LRCH1: variants seen among roughly 807,000 people sequenced by gnomAD.
The protein encoded by LRCH1 is leucine rich repeats and calponin homology domain containing 1, also known as leucine-rich repeat and calponin homology domain-containing protein 1.
In LRCH1, 23 loss-of-function variants were observed where a neutral mutation model predicts 94.9. The ratio of observed to expected loss-of-function variants is 0.24; its 90% CI spans 0.17 to 0.34. The LOEUF is 0.34. Among genes scored for constraint, LRCH1 ranks in the 10% least tolerant of loss-of-function variants. The pLI, the probability that LRCH1 is intolerant of heterozygous loss-of-function variation, is 1.00. For missense variants in LRCH1, 790 were observed against 945.9 expected, an observed-to-expected ratio of 0.84 and a Z score of 2.16; for synonymous variants, 364 against 354.9, an observed-to-expected ratio of 1.03 and a Z score of -0.29.
chr13:46,614,828 A>G (rs1383274137), intron 1 of LRCH1, among the ~76,000 whole-genome samples: 1 of 152,164 alleles, frequency 6.6e-6, no homozygotes, highest in Non-Finnish European at 1.5e-5. Context: ...GTATCAAAAC[A>G]TTTTGTCCCA....
rs1209169548 is a variant in LRCH1, at chr13:46,743,535, G to A, written c.*1687G>A. On this transcript the variant is annotated 3_prime_UTR_variant, in exon 20 of 20. Coordinates refer to ENST00000389797, the MANE Select transcript of LRCH1 (RefSeq NM_001164211.2). ...ATCTGTAACACAATAAAATCCCTTT[G>A]TACGATGTCTAATGAGCACCCTGAG... 1.0e-6 allele frequency: 1 copy of A among 985,616 alleles called. No individual in the cohort carries two copies. Among genetic ancestry groups the A allele is most frequent in the African/African-American group, 1.7e-5 (1 of 57,184 alleles). The allele number at this position is 985,616 out of a possible 1,614,324, so 61.1% of individuals were successfully genotyped here.
intron 19 of LRCH1, among the ~76,000 whole-genome samples, chr13:46,738,072 G>A (rs975283580): frequency 6.6e-6 from 1 of 152,148 alleles, no homozygotes; most frequent in Non-Finnish European, 1.5e-5. Context: ...GAATAGAAAT[G>A]TACTCTGTTG....
intron 1 of LRCH1, among the ~76,000 whole-genome samples, chr13:46,630,032 CAG>C (rs1229561254): frequency 2.0e-5 from 3 of 152,220 alleles, no homozygotes; most frequent in Non-Finnish European, 2.9e-5. Context: ...GGGAAAGTTA[CAG>C]AGTGATTCCT....
At chr13:46,741,202 T>TA (rs886256130) in intron 19 of LRCH1, among the ~76,000 whole-genome samples, 1 of 152,170 alleles carries the variant, frequency 6.6e-6, no homozygotes, top group Admixed American at 6.5e-5. Flanking sequence ...TAGACCAGGG[T>TA]AAAAAATGCA....
chr13:46,610,164 A>G (rs777718647), intron 1 of LRCH1, among the ~76,000 whole-genome samples: 1 of 152,234 alleles, frequency 6.6e-6, no homozygotes, highest in Non-Finnish European at 1.5e-5. Flanking sequence ...ATTTATTAAT[A>G]TTTGGGAGAG....
chr13:46,681,780 A>T lies in LRCH1; in HGVS notation c.619A>T (p.Ile207Leu), dbSNP rs2051754421. ...CNEITALPQQ[I>L]GQLKSLRELN... Reference sequence around the variant, plus strand: ...CGAGATCACAGCGTTGCCCCAGCAGATAGGTCAGTTGAAATCTCTACGAGA... The same window carrying T: ...CGAGATCACAGCGTTGCCCCAGCAGTTAGGTCAGTTGAAATCTCTACGAGA... Residue 207 changes from isoleucine (I) to leucine (L), a missense_variant, in exon 4 of 20, where the codon ATA (isoleucine) becomes TTA (leucine). Physicochemically the swap from Ile to Leu is conservative, Grantham distance 5. This residue lies in a region of LRCH1 where 194 missense variants were observed against 293.5 expected (regional missense o/e 0.66). Coordinates refer to ENST00000389797, the MANE Select transcript of LRCH1 (RefSeq NM_001164211.2). 6.2e-7 allele frequency: 1 copy of T among 1,613,906 alleles called. No individual in the cohort carries two copies. Among genetic ancestry groups the T allele is most frequent in the Non-Finnish European group, 8.5e-7 (1 of 1,179,870 alleles).
chr13:46,688,415 G>A (rs572690219), intron 6 of LRCH1, among the ~76,000 whole-genome samples: 3 of 152,252 alleles, frequency 2.0e-5, no homozygotes, highest in Non-Finnish European at 4.4e-5. Context: ...TTTATTTTTG[G>A]TCTTTTAAAA....
intron 1 of LRCH1, among the ~76,000 whole-genome samples, chr13:46,619,043 C>CTCTTT (rs147800264): frequency 6.6e-4 from 100 of 150,716 alleles, no homozygotes; most frequent in African/African-American, 2.4e-3. Flanking sequence ...ATCTAAAGTT[C>CTCTTT]TCTTTTCTTT....
At chr13:46,658,265 C>CT (rs1268149038) in intron 2 of LRCH1, among the ~76,000 whole-genome samples, 4 of 152,036 alleles carry the variant, frequency 2.6e-5, no homozygotes, top group South Asian at 4.2e-4. Flanking sequence ...GTTTTAATAA[C>CT]TTTTTTTTAA....
At chr13:46,720,659 A>C (rs971181145) in intron 16 of LRCH1, among the ~76,000 whole-genome samples, 34 of 152,222 alleles carry the variant, frequency 2.2e-4, no homozygotes, top group African/African-American at 8.2e-4. Flanking sequence ...TTTGTAGATC[A>C]ATTTCCTGAA....
At chr13:46,667,357 A>T (rs1361261687) in intron 2 of LRCH1, among the ~76,000 whole-genome samples, 1 of 152,138 alleles carries the variant, frequency 6.6e-6, no homozygotes, top group African/African-American at 2.4e-5. Flanking sequence ...CTGCTCCCTC[A>T]TATGGAGGAG....
intron 1 of LRCH1, among the ~76,000 whole-genome samples, chr13:46,618,602 C>A (rs966653575): frequency 6.6e-6 from 1 of 152,150 alleles, no homozygotes; most frequent in African/African-American, 2.4e-5. Flanking sequence ...TCTGCATTGA[C>A]CTGGAAAATG....
intron 1 of LRCH1, among the ~76,000 whole-genome samples, chr13:46,595,603 T>G (rs2050552966): frequency 6.6e-6 from 1 of 152,222 alleles, no homozygotes; most frequent in Non-Finnish European, 1.5e-5. Flanking sequence ...TCCATCTACC[T>G]TTATGTTTTC....
chr13:46,695,474 G>C (rs745447720), intron 9 of LRCH1, among the ~76,000 whole-genome samples: 44 of 152,110 alleles, frequency 2.9e-4, no homozygotes, highest in Non-Finnish European at 5.0e-4. Context: ...AACTTTTGTA[G>C]GTGCCCCGAG....
chr13:46,674,652 A>C (rs74078416), intron 3 of LRCH1, among the ~76,000 whole-genome samples: 11,239 of 152,268 alleles, frequency 0.074, 500 homozygotes, highest in Middle Eastern at 0.16. Context: ...GGAAGAGATA[A>C]AGCATTCACA....
At chr13:46,587,350 A>G (rs1003561252) in intron 1 of LRCH1, among the ~76,000 whole-genome samples, 2 of 152,226 alleles carry the variant, frequency 1.3e-5, no homozygotes, top group African/African-American at 2.4e-5. Context: ...TGTGCAAACA[A>G]TAGTACTGAT....
intron 1 of LRCH1, among the ~76,000 whole-genome samples, chr13:46,603,321 T>C (rs1234613883): frequency 1.3e-5 from 2 of 152,172 alleles, no homozygotes; most frequent in Non-Finnish European, 2.9e-5. Context: ...GACTCAAGTC[T>C]TCCCTGAAAT....
intron 1 of LRCH1, among the ~76,000 whole-genome samples, chr13:46,623,250 G>T (rs1425717867): frequency 6.6e-6 from 1 of 152,074 alleles, no homozygotes. Flanking sequence ...TAATAATAAT[G>T]CACAATCTTG....
chr13:46,696,722 G>T (rs1299610301), intron 9 of LRCH1, among the ~76,000 whole-genome samples: 2 of 152,166 alleles, frequency 1.3e-5, no homozygotes, highest in African/African-American at 2.4e-5. Context: ...AGGAAAAATT[G>T]TGCTTGAAAA....
Sources: gnomAD v4.1 joint callset for allele counts (sites outside exome capture counted in the v4.1 genomes callset) on GRCh38, gnomAD v4.1.1 for gene constraint, gnomAD v4.1.1 regional missense constraint, MANE v1.5 for transcripts, NCBI Gene and HGNC (gene_info 2026-07-23, HGNC 2026-07-21) for gene names.